The following NCAPG variants were observed in gnomAD, a reference collection of about 807,000 sequenced individuals.
NCAPG encodes condensin complex subunit 3.
A neutral mutation model predicts 113.1 loss-of-function variants in NCAPG; 69 were observed. That is an observed-to-expected ratio of 0.61 (90% CI 0.50 to 0.75). The LOEUF (loss-of-function observed/expected upper bound fraction) is 0.75. Among genes scored for constraint, NCAPG ranks in the 30% least tolerant of loss-of-function variants. The pLI, the probability that NCAPG is intolerant of heterozygous loss-of-function variation, is 0.00. For missense variants in NCAPG, 1,058 were observed against 1,177.0 expected, an observed-to-expected ratio of 0.90 and a Z score of 1.48; for synonymous variants, 370 against 415.8, an observed-to-expected ratio of 0.89 and a Z score of 1.34.
intron 13 of NCAPG, among the ~76,000 whole-genome samples, chr4:17,833,706 TAA>T (rs1184805694): frequency 6.6e-6 from 1 of 151,954 alleles, no homozygotes; most frequent in Non-Finnish European, 1.5e-5. Flanking sequence ...TTTTTAAACT[TAA>T]GATAGACTCA....
At chr4:17,840,545 GAC>G in intron 18 of NCAPG, 60 bp from the exon 19 acceptor site, 1 of 1,024,594 alleles carries the variant, frequency 9.8e-7, no homozygotes, top group East Asian at 3.2e-5. Context: ...GTCTTAAAAA[GAC>G]AATTTAAAAT....
At chr4:17,841,487 T>C (rs549726590) in intron 19 of NCAPG, 1 of 152,066 alleles carries the variant, frequency 6.6e-6, no homozygotes, top group African/African-American at 2.4e-5. Flanking sequence ...GATGTTTTCT[T>C]GGGGATAAAT....
Position 17,811,073 on chromosome 4 carries a change from G to C in NCAPG, c.-5G>C, listed in dbSNP as rs1041968096. Reference sequence around the variant, plus strand: ...CAGGACTCGTCCCGGCAGGGTTCCAGAGCCATGGGAGCGGAAAGGAGGCTG... The same window carrying C: ...CAGGACTCGTCCCGGCAGGGTTCCACAGCCATGGGAGCGGAAAGGAGGCTG... On this transcript the variant is annotated 5_prime_UTR_variant, in exon 1 of 21. Transcript: ENST00000251496. The surrounding 1 kb of genome is among the most constrained non-coding windows in gnomAD (Gnocchi z 5.3). 2.2e-5 allele frequency: 33 copies of C among 1,497,182 alleles called. No homozygotes were observed. Among genetic ancestry groups the C allele is most frequent in the Non-Finnish European group, 2.6e-5 (29 of 1,119,322 alleles). The allele number at this position is 1,497,182 out of a possible 1,614,324, so 92.7% of individuals were successfully genotyped here.
intron 14 of NCAPG, among the ~76,000 whole-genome samples, chr4:17,835,397 G>T (rs2109062276): frequency 6.6e-6 from 1 of 152,064 alleles, no homozygotes; most frequent in East Asian, 1.9e-4. Flanking sequence ...TCGCTCTGTT[G>T]CCCAGGCTGG....
intron 14 of NCAPG, among the ~76,000 whole-genome samples, chr4:17,836,243 T>C (rs1722087213): frequency 6.6e-6 from 1 of 152,234 alleles, no homozygotes; most frequent in South Asian, 2.1e-4. Flanking sequence ...ATCTGCTTCT[T>C]GGCCATTTGT....
rs1198883991 is a variant in NCAPG at position 17,837,788 on chromosome 4, C to A, written c.2453C>A (p.Ser818Tyr). Residue 818 changes from serine (S) to tyrosine (Y), a missense_variant, in exon 16 of 21, where the codon TCC (serine) becomes TAC (tyrosine). Physicochemically the swap from Ser to Tyr is moderately radical, Grantham distance 144. Transcript: ENST00000251496. ...PSGLNPQAKT[S>Y]QDYQALTVHD... ...GGATTAAATCCTCAGGCCAAGACTT[C>A]CCAAGATTATCAGGTGAGTGACTGT... 6.2e-7 allele frequency: 1 copy of A among 1,613,798 alleles called. No homozygotes were observed. The highest frequency in any genetic ancestry group is 1.7e-5 in the Admixed American group (1 of 60,004).
At chr4:17,822,781 T>A (rs927515193) in intron 7 of NCAPG, among the ~76,000 whole-genome samples, 4 of 152,214 alleles carry the variant, frequency 2.6e-5, no homozygotes, top group African/African-American at 9.6e-5. Context: ...CATTTTCAAA[T>A]TCTTTTGATT....
At chr4:17,824,872 A>G (rs116110847) in intron 9 of NCAPG, 96 bp from the exon 10 acceptor site, 47 of 769,472 alleles carry the variant, frequency 6.1e-5, no homozygotes, top group Admixed American at 2.2e-4. Context: ...CCATTATTCA[A>G]TATATGGTGG....
intron 19 of NCAPG, chr4:17,841,532 T>G (rs1406809770): frequency 6.6e-6 from 1 of 151,948 alleles, no homozygotes; most frequent in East Asian, 1.9e-4. Context: ...TAGAAAAAAG[T>G]GTAACATGAA....
At chr4:17,816,603 G>T (rs1560222610) in intron 5 of NCAPG, among the ~76,000 whole-genome samples, 1 of 152,212 alleles carries the variant, frequency 6.6e-6, no homozygotes, top group Non-Finnish European at 1.5e-5. Context: ...ACGTGTGCTT[G>T]TATAGTTCAC....
intron 9 of NCAPG, 73 bp from the exon 10 acceptor site, chr4:17,824,895 G>C (rs182518838): frequency 6.3e-5 from 68 of 1,073,002 alleles, no homozygotes; most frequent in Admixed American, 4.3e-4. Context: ...ACTACTTGGA[G>C]TTTTATATAG....
Position 17,837,268 on chromosome 4 carries a change from C to T in NCAPG, c.2219C>T (p.Pro740Leu), listed in dbSNP as rs753581301. 2.5e-6 allele frequency: 4 copies of T among 1,613,982 alleles called. No homozygotes were observed. The East Asian group carries it at 8.9e-5, about 36-fold the overall frequency. The change falls in exon 15 of 21, where the codon CCT (proline) becomes CTT (leucine). Residue 740 changes from proline to leucine, a missense_variant. Coordinates refer to ENST00000251496, the MANE Select transcript of NCAPG (RefSeq NM_022346.5). Reference sequence around the variant, plus strand: ...CGTCTTATTTTGTTATGGTACAATCCTGTGACTGAAGAGGATGTTCAACTT... The same window carrying T: ...CGTCTTATTTTGTTATGGTACAATCTTGTGACTGAAGAGGATGTTCAACTT... ...LSRLILLWYN[P>L]VTEEDVQLRH...
At chr4:17,820,176 A>G (rs1445827307) in intron 7 of NCAPG, among the ~76,000 whole-genome samples, 1 of 152,370 alleles carries the variant, frequency 6.6e-6, no homozygotes, top group East Asian at 1.9e-4. Context: ...CAAGGACAGC[A>G]TCAGAAGGTG....
At position 17,825,524 on chromosome 4, in the gene NCAPG, C is replaced by A; in HGVS notation, c.1616C>A (p.Thr539Lys). The change falls in exon 11 of 21, where the codon ACA becomes AAA. Residue 539 changes from threonine (T) to lysine (K), a missense_variant. Transcript: ENST00000251496. ...GCCAGAATAAACCTTTTGAAAGAGACAGAGCAACTTGAAATTAAAGAAGTC... is the reference window on the plus strand; with the variant it reads ...GCCAGAATAAACCTTTTGAAAGAGAAAGAGCAACTTGAAATTAAAGAAGTC... ...EDARINLLKE[T>K]EQLEIKEVHI... 6.3e-7 allele frequency: 1 copy of A among 1,597,176 alleles called. No individual in the cohort carries two copies. The highest frequency in any genetic ancestry group is 1.1e-5 in the South Asian group (1 of 87,822).
At position 17,839,669 on chromosome 4, in the gene NCAPG, T is replaced by A. The variant is rs1722255904; in HGVS notation, c.2467-7T>A. On this transcript the variant is annotated splice_region_variant and splice_polypyrimidine_tract_variant and intron_variant, in intron 16 of 20. Coordinates refer to ENST00000251496, the MANE Select transcript of NCAPG (RefSeq NM_022346.5). The stretch of plus-strand genomic sequence containing the variant: ...AATTTACAGAGAATTTTCTCTTAAT[T>A]TTTTAGGCCTTAACAGTACATGACA... 2 of 1,484,840 alleles carry A rather than the reference T, an allele frequency of 1.3e-6. No homozygotes were observed. Among genetic ancestry groups the A allele is most frequent in the Admixed American group, 5.3e-5 (2 of 37,726 alleles). 92.0% of individuals were successfully genotyped at this position (1,484,840 alleles called of 1,614,324 possible).
rs1722004069 is a variant in NCAPG at position 17,834,493 on chromosome 4, G to T, written c.2079G>T (p.Leu693=). The T allele has an allele frequency of 6.3e-7, 1 of 1,595,420 alleles. No individual in the cohort carries two copies. The highest frequency in any genetic ancestry group is 1.3e-5 in the African/African-American group (1 of 74,122). ...VEETATAKNV[L]KLLSDFLDSE... ...AGACTGCTACAGCTAAGAATGTTCT[G>T]AAACTCCTTTCTGATTTCTTAGATA... The change falls in exon 14 of 21, where the codon CTG becomes CTT. Residue 693 remains leucine, a synonymous_variant. Transcript: ENST00000251496.
Position 17,837,150 on chromosome 4 carries a change from C to T in NCAPG, c.2110-9C>T, listed in dbSNP as rs778392225. The T allele has an allele frequency of 1.6e-5, 25 of 1,610,066 alleles. No individual in the cohort carries two copies. Among genetic ancestry groups the T allele is most frequent in the South Asian group, 2.2e-5 (2 of 90,532 alleles). On this transcript the variant is annotated splice_polypyrimidine_tract_variant and intron_variant, in intron 14 of 20. Coordinates refer to ENST00000251496, the MANE Select transcript of NCAPG (RefSeq NM_022346.5). ...ATAAATTTCTTCTAATGAATGTCAT[C>T]TTTGTTAGGTATCTGAACTTAGGAC... is the stretch of plus-strand genomic sequence containing the variant.
In NCAPG at chr4:17,828,404, C is replaced by T; in HGVS notation, c.1764+16C>T. The T allele has an allele frequency of 6.7e-7, 1 of 1,497,890 alleles. No individual in the cohort carries two copies. The highest frequency in any genetic ancestry group is 9.2e-7 in the Non-Finnish European group (1 of 1,086,856). 92.8% of individuals were successfully genotyped at this position (1,497,890 alleles called of 1,614,324 possible). On this transcript the variant is annotated intron_variant, in intron 12 of 20. Transcript: ENST00000251496. The stretch of plus-strand genomic sequence containing the variant: ...CGAATCTTTGGTATGTTGATGGCCT[C>T]TTGGGCTTTATTTTAGTCCACTCCT...
Position 17,834,543 on chromosome 4 carries a change from TG to T in NCAPG, c.2109+21del, listed in dbSNP as rs1439637061. ...AGTGAGGTAAGAAATAATCCAGTCC[TG>T]TGATTATGAAATGTCATTTTCAGCA... On this transcript the variant is annotated intron_variant, in intron 14 of 20. Transcript: ENST00000251496. The T allele has an allele frequency of 1.4e-6, 2 of 1,413,300 alleles. No individual in the cohort carries two copies. 87.5% of individuals were successfully genotyped at this position (1,413,300 alleles called of 1,614,324 possible). A position where few individuals can be genotyped will look rare whatever the true frequency, so the allele number is the denominator to read the frequency against.
Sources: gnomAD v4.1 joint callset for allele counts (sites outside exome capture counted in the v4.1 genomes callset) on GRCh38, gnomAD v4.1.1 for gene constraint, Gnocchi (gnomAD v3.1) non-coding constraint, MANE v1.5 for transcripts, NCBI Gene and HGNC (gene_info 2026-07-23, HGNC 2026-07-21) for gene names.